LSM14A: variants seen among roughly 807,000 people sequenced by gnomAD.
LSM14A encodes LSM14A mRNA processing body assembly factor.
In LSM14A, 14 loss-of-function variants were observed where a neutral mutation model predicts 52.4. The ratio of observed to expected loss-of-function variants is 0.27; its 90% CI spans 0.18 to 0.42. The LOEUF is 0.42. Ranked by LOEUF, LSM14A falls within the 10% of genes least tolerant of loss-of-function variation. The pLI is 1.00. For synonymous variants in LSM14A, 185 were observed against 200.3 expected (o/e 0.92, Z 0.64); for missense variants, 417 against 581.8 (o/e 0.72, Z 2.91).
chr19:34,198,849 T>C (rs955267983), intron 3 of LSM14A, among the ~76,000 whole-genome samples: 1 of 151,570 alleles, frequency 6.6e-6, no homozygotes, highest in Admixed American at 6.6e-5. Context: ...TAGCCGGGCG[T>C]GGTGGTGGGC....
chr19:34,224,752 C>T (rs2073252467), intron 9 of LSM14A, among the ~76,000 whole-genome samples: 1 of 152,226 alleles, frequency 6.6e-6, no homozygotes, highest in Admixed American at 6.5e-5. Flanking sequence ...ACACATTGTG[C>T]TTGATTCCAA....
In LSM14A at chr19:34,196,717, C is replaced by A. The variant is rs1568482905; in HGVS notation, c.369C>A (p.Phe123Leu). 2 of 1,613,428 alleles carry A rather than the reference C, an allele frequency of 1.2e-6. No homozygotes were observed. Among genetic ancestry groups the A allele is most frequent in the Non-Finnish European group, 1.7e-6 (2 of 1,179,856 alleles). ...PFGRMPTYSQ[F>L]SPSSLVGQQF... ...GCAGGATGCCCACATACAGTCAGTT[C>A]AGTCCGAGTTCCTTAGTTGGGCAGC... Residue 123 changes from phenylalanine (F) to leucine (L), a missense_variant, in exon 3 of 10, where the codon TTC becomes TTA. By Grantham distance (22) the Phe-to-Leu change is conservative (BLOSUM62 0). Coordinates refer to ENST00000544216, the MANE Select transcript of LSM14A (RefSeq NM_015578.4).
At chr19:34,226,984 A>G (rs2073377686) in intron 9 of LSM14A, among the ~76,000 whole-genome samples, 1 of 152,218 alleles carries the variant, frequency 6.6e-6, no homozygotes. Flanking sequence ...AGACTTGGGG[A>G]TTTTATGAAA....
intron 1 of LSM14A, among the ~76,000 whole-genome samples, chr19:34,183,049 TATATC>T: frequency 6.6e-6 from 1 of 152,256 alleles, no homozygotes; most frequent in Admixed American, 6.5e-5. Flanking sequence ...TTTTCACTCT[TATATC>T]ATATTTTCAT....
At chr19:34,225,852 A>G (rs2145911741) in intron 9 of LSM14A, among the ~76,000 whole-genome samples, 1 of 152,318 alleles carries the variant, frequency 6.6e-6, no homozygotes, top group East Asian at 1.9e-4. Flanking sequence ...GCTTAAGCCC[A>G]GGAATTCAAG....
At chr19:34,193,187 G>T (rs2070579504) in intron 1 of LSM14A, among the ~76,000 whole-genome samples, 1 of 152,138 alleles carries the variant, frequency 6.6e-6, no homozygotes, top group Non-Finnish European at 1.5e-5. Flanking sequence ...TTGAAATAGG[G>T]TCTTGCTGTG....
At chr19:34,226,284 A>G in intron 9 of LSM14A, 1 of 1,018,430 alleles carries the variant, frequency 9.8e-7, no homozygotes, top group Non-Finnish European at 1.4e-6. Flanking sequence ...GTTCAAAGAC[A>G]ACAAGGTGTC....
At chr19:34,194,711 T>G (rs966683743) in intron 2 of LSM14A, 70 bp downstream of exon 2, 2 of 1,394,776 alleles carry the variant, frequency 1.4e-6, no homozygotes, top group African/African-American at 1.4e-5. Flanking sequence ...CTTTTTTCTC[T>G]CTAGTTGAAT....
chr19:34,184,972 A>G (rs1013028321), intron 1 of LSM14A, among the ~76,000 whole-genome samples: 41 of 152,232 alleles, frequency 2.7e-4, no homozygotes, highest in African/African-American at 9.9e-4. Flanking sequence ...GTTCAGTTAC[A>G]TAAGAGAGAT....
At chr19:34,224,300 C>T (rs1568504600) in intron 9 of LSM14A, among the ~76,000 whole-genome samples, 1 of 152,176 alleles carries the variant, frequency 6.6e-6, no homozygotes, top group African/African-American at 2.4e-5. Context: ...CACTGTACTC[C>T]AGCCTGGGCG....
At chr19:34,206,019 T>C (rs2071672773) in intron 3 of LSM14A, among the ~76,000 whole-genome samples, 1 of 152,192 alleles carries the variant, frequency 6.6e-6, no homozygotes, top group Non-Finnish European at 1.5e-5. Flanking sequence ...TGTGATAGTT[T>C]GGATGAAGTG....
intron 9 of LSM14A, among the ~76,000 whole-genome samples, chr19:34,223,029 T>C (rs895669110): frequency 2.0e-5 from 3 of 152,146 alleles, no homozygotes; most frequent in Non-Finnish European, 4.4e-5. Context: ...TAAAATACTC[T>C]TCTAGGTTTT....
chr19:34,200,680 AAATT>A (rs2071224824), intron 3 of LSM14A, among the ~76,000 whole-genome samples: 1 of 152,166 alleles, frequency 6.6e-6, no homozygotes. Context: ...TCATAATTAA[AAATT>A]AATTCCTTTT....
intron 3 of LSM14A, among the ~76,000 whole-genome samples, chr19:34,200,114 A>C (rs2071186477): frequency 6.6e-6 from 1 of 152,186 alleles, no homozygotes; most frequent in Admixed American, 6.5e-5. Flanking sequence ...GAAAATACAG[A>C]ATCTAATTTT....
intron 1 of LSM14A, among the ~76,000 whole-genome samples, chr19:34,184,459 A>G (rs935767016): frequency 8.5e-5 from 13 of 152,152 alleles, no homozygotes; most frequent in African/African-American, 2.4e-4. Flanking sequence ...TCTCTATATC[A>G]ATTATCAATT....
At chr19:34,198,062 T>TA (rs536374198) in intron 3 of LSM14A, among the ~76,000 whole-genome samples, 48,860 of 145,528 alleles carry the variant, frequency 0.34, 8,176 homozygotes, top group Non-Finnish European at 0.37. Flanking sequence ...AGCTCAAGTG[T>TA]AAAAAAAAAA....
At chr19:34,217,326 CTTTTA>C (rs1336313607) in intron 6 of LSM14A, among the ~76,000 whole-genome samples, 3 of 148,602 alleles carry the variant, frequency 2.0e-5, no homozygotes, top group Admixed American at 6.7e-5. Flanking sequence ...CTGTAGTTTT[CTTTTA>C]TGATTATTGA....
At chr19:34,188,850 A>T (rs909438016) in intron 1 of LSM14A, among the ~76,000 whole-genome samples, 2 of 151,128 alleles carry the variant, frequency 1.3e-5, no homozygotes, top group African/African-American at 2.4e-5. Context: ...TCATATATAT[A>T]AGATATATAG....
At chr19:34,212,513 T>A (rs2072244600) in intron 4 of LSM14A, among the ~76,000 whole-genome samples, 1 of 152,160 alleles carries the variant, frequency 6.6e-6, no homozygotes, top group Non-Finnish European at 1.5e-5. Context: ...ATGTGTTTAT[T>A]AAAAGAAAGA....
Sources: allele counts gnomAD v4.1 joint callset (sites outside exome capture counted in the v4.1 genomes callset), GRCh38; gene constraint gnomAD v4.1.1; transcripts MANE v1.5; gene names NCBI Gene and HGNC (gene_info 2026-07-23, HGNC 2026-07-21).